Variants in ARHGAP42 observed in about 807,000 individuals in gnomAD.
ARHGAP42 encodes rho GTPase-activating protein 42.
Under a neutral mutation model 125.0 loss-of-function variants are expected in ARHGAP42, and 63 were observed. The observed-to-expected ratio is 0.50, with a 90% CI of 0.41 to 0.62. ARHGAP42 has a LOEUF of 0.62. Among genes scored for constraint, ARHGAP42 ranks in the 20% least tolerant of loss-of-function variants. The pLI, the probability that ARHGAP42 is intolerant of heterozygous loss-of-function variation, is 0.00. For synonymous variants in ARHGAP42, 339 were observed against 351.0 expected, an observed-to-expected ratio of 0.97 and a Z score of 0.38; for missense variants, 766 against 1,024.2, an observed-to-expected ratio of 0.75 and a Z score of 3.44.
chr11:100,843,342 AAAAGTCC>A (rs2135115713), intron 3 of ARHGAP42, among the ~76,000 whole-genome samples: 1 of 152,174 alleles, frequency 6.6e-6, no homozygotes, highest in African/African-American at 2.4e-5. Flanking sequence ...CCAACAAAAA[AAAAGTCC>A]AGGAACAGAT....
At chr11:100,720,895 A>T (rs577857534) in intron 1 of ARHGAP42, among the ~76,000 whole-genome samples, 1 of 152,294 alleles carries the variant, frequency 6.6e-6, no homozygotes, top group African/African-American at 2.4e-5. Context: ...TAAAAATAGA[A>T]TAATATGGTG....
chr11:100,776,981 CAAA>C (rs71053146), intron 2 of ARHGAP42, among the ~76,000 whole-genome samples: 2,840 of 108,846 alleles, frequency 0.026, 41 homozygotes, highest in African/African-American at 0.052. Context: ...AACACTGTCT[CAAA>C]AAAAAAAAAA....
Position 100,959,932 on chromosome 11 carries a change from T to C in ARHGAP42, c.1212T>C (p.Ala404=), listed in dbSNP as rs1051260796. The C allele has an allele frequency of 1.2e-5, 18 of 1,551,304 alleles. 1 individual carries two copies. The African/African-American group carries it at 2.5e-4, about 21-fold the overall frequency. ...ACTTTGTGAGAAAATGCATTCAAGCTGTGGAAACAAGAGGTCAGTGTTGCC... is the reference window on the plus strand; with the variant it reads ...ACTTTGTGAGAAAATGCATTCAAGCCGTGGAAACAAGAGGTCAGTGTTGCC... ...GFNFVRKCIQ[A]VETRGITILG... The change falls in exon 13 of 24, where the codon GCT becomes GCC. Residue 404 remains alanine (A), a synonymous_variant. Coordinates refer to ENST00000298815, the MANE Select transcript of ARHGAP42 (RefSeq NM_152432.4).
chr11:100,951,870 C>T (rs1352977398), intron 12 of ARHGAP42, among the ~76,000 whole-genome samples: 1 of 152,054 alleles, frequency 6.6e-6, no homozygotes, highest in Non-Finnish European at 1.5e-5. Context: ...AGTTTCCTAC[C>T]CAGTACTCTG....
rs540084299 is a variant in ARHGAP42, at chr11:100,981,162, A to G, written c.2456+2113A>G. Among the ~76,000 whole-genome samples, 120 of 152,344 alleles carry G rather than the reference A, an allele frequency of 7.9e-4. 1 individual carries two copies. Among genetic ancestry groups the G allele is most frequent in the African/African-American group, 2.8e-3 (118 of 41,586 alleles). On this transcript the variant is annotated intron_variant, in intron 22 of 23. Transcript: ENST00000298815. ...TTTCTTTATCCATACAATGAAGATC[A>G]TAATTCTCAGCTTGCCACATTGTTG...
chr11:100,744,128 G>T (rs1436248991), intron 1 of ARHGAP42, among the ~76,000 whole-genome samples: 1 of 152,072 alleles, frequency 6.6e-6, no homozygotes, highest in Non-Finnish European at 1.5e-5. Flanking sequence ...CTGCCTCCAC[G>T]CCCGGCTAAT....
chr11:100,733,814 G>C (rs1159609498), intron 1 of ARHGAP42, among the ~76,000 whole-genome samples: 1 of 81,424 alleles, frequency 1.2e-5, no homozygotes, highest in African/African-American at 5.1e-5. Context: ...AACAGAGCAA[G>C]ATTCTGTCTG....
chr11:100,984,469 G>A (rs17727251), intron 22 of ARHGAP42, among the ~76,000 whole-genome samples: 12,048 of 148,710 alleles, frequency 0.081, 705 homozygotes, highest in Non-Finnish European at 0.12. Flanking sequence ...AAGTGAAACC[G>A]TCAATAGCAT....
intron 4 of ARHGAP42, among the ~76,000 whole-genome samples, chr11:100,870,906 ATATCAGAGTTTAT>A: frequency 1.3e-5 from 2 of 152,014 alleles, no homozygotes; most frequent in East Asian, 3.9e-4. Flanking sequence ...GAAAACACAG[ATATCAGAGTTTAT>A]TATCAGAGTG....
chr11:100,706,259 G>C (rs1861481647), intron 1 of ARHGAP42, among the ~76,000 whole-genome samples: 1 of 152,086 alleles, frequency 6.6e-6, no homozygotes, highest in South Asian at 2.1e-4. Flanking sequence ...TCTCTCCCTA[G>C]CAAGTTAGCT....
At chr11:100,750,151 G>A (rs1049581643) in intron 1 of ARHGAP42, among the ~76,000 whole-genome samples, 2 of 152,166 alleles carry the variant, frequency 1.3e-5, no homozygotes, top group African/African-American at 2.4e-5. Context: ...TAAAGTTTTG[G>A]TGCTGCAACA....
At chr11:100,859,970 A>G (rs941898884) in intron 4 of ARHGAP42, 8 of 172,644 alleles carry the variant, frequency 4.6e-5, no homozygotes, top group Non-Finnish European at 8.5e-5. Context: ...CAGTGATTAT[A>G]TGAGAACTTT....
chr11:100,988,737 G>A lies in ARHGAP42; in HGVS notation c.2561G>A (p.Trp854Ter). The A allele has an allele frequency of 6.5e-7, 1 of 1,550,332 alleles. No homozygotes were observed. The highest frequency in any genetic ancestry group is 8.7e-7 in the Non-Finnish European group (1 of 1,146,124). The change falls in exon 24 of 24, where the codon TGG becomes TAG. Residue 854 changes from tryptophan (W) to a stop codon, truncating the protein, a stop_gained. Transcript: ENST00000298815. LOFTEE classifies it high-confidence loss of function. ...SNVYPSVEPG[W>*]LKATYEGKTG... is the part of the protein sequence containing the mutation. ...GTGTACCCATCAGTGGAACCAGGAT[G>A]GTTAAAGGCAACTTATGAAGGCAAA...
intron 2 of ARHGAP42, among the ~76,000 whole-genome samples, chr11:100,790,865 G>T (rs1863547858): frequency 6.6e-6 from 1 of 152,136 alleles, no homozygotes; most frequent in African/African-American, 2.4e-5. Context: ...CCCAAAACCA[G>T]ATAATAAAGT....
chr11:100,948,893 T>G (rs1868097361), intron 11 of ARHGAP42, among the ~76,000 whole-genome samples: 1 of 152,144 alleles, frequency 6.6e-6, no homozygotes, highest in African/African-American at 2.4e-5. Flanking sequence ...ATTAGAGTGA[T>G]GAACAAGGTT....
intron 4 of ARHGAP42, among the ~76,000 whole-genome samples, chr11:100,900,131 G>T (rs1259379035): frequency 6.6e-6 from 1 of 152,020 alleles, no homozygotes; most frequent in Non-Finnish European, 1.5e-5. Context: ...GCATTTGCTT[G>T]TTTGTAAAGG....
At chr11:100,910,366 A>T (rs1866878473) in intron 4 of ARHGAP42, among the ~76,000 whole-genome samples, 1 of 152,026 alleles carries the variant, frequency 6.6e-6, no homozygotes, top group South Asian at 2.1e-4. Context: ...TTCCATCGAG[A>T]TTATTATTTT....
chr11:100,805,783 T>C (rs775338683), intron 3 of ARHGAP42, among the ~76,000 whole-genome samples: 1 of 152,108 alleles, frequency 6.6e-6, no homozygotes, highest in Non-Finnish European at 1.5e-5. Context: ...TAAACTGTCA[T>C]GGTGCTGGTG....
At chr11:100,757,790 A>G (rs1052572760) in intron 1 of ARHGAP42, among the ~76,000 whole-genome samples, 2 of 152,104 alleles carry the variant, frequency 1.3e-5, no homozygotes, top group African/African-American at 4.8e-5. Flanking sequence ...GAGAATAATG[A>G]TCTTTGTGCC....
Sources: gnomAD v4.1 joint callset for allele counts (sites outside exome capture counted in the v4.1 genomes callset) on GRCh38, gnomAD v4.1.1 for gene constraint, MANE v1.5 for transcripts, NCBI Gene and HGNC (gene_info 2026-07-23, HGNC 2026-07-21) for gene names.